The following SCAF11 variants were observed in gnomAD, a reference collection of about 807,000 sequenced individuals.
SCAF11 encodes protein SCAF11.
A neutral mutation model predicts 140.5 loss-of-function variants in SCAF11; 47 were observed. The ratio of observed to expected loss-of-function variants is 0.33; its 90% CI spans 0.26 to 0.43. The LOEUF (loss-of-function observed/expected upper bound fraction) is 0.43. Among genes scored for constraint, SCAF11 ranks in the 20% least tolerant of loss-of-function variants. SCAF11 has a pLI of 1.00. For synonymous variants in SCAF11, 557 were observed against 579.4 expected (o/e 0.96, Z 0.55); for missense variants, 1,645 against 1,705.1 (o/e 0.96, Z 0.62).
chr12:45,928,354 A>G lies in SCAF11; in HGVS notation c.1347T>C (p.Ser449=). The G allele has an allele frequency of 9.9e-6, 16 of 1,614,062 alleles. No individual in the cohort carries two copies. The highest frequency in any genetic ancestry group is 1.4e-5 in the Non-Finnish European group (16 of 1,179,994). ...CACTTTCTTCTATTTGCTCATTGCAACTTTTCAAGCAATTAGCAGACTGGT... is the reference window on the plus strand; with the variant it reads ...CACTTTCTTCTATTTGCTCATTGCAGCTTTTCAAGCAATTAGCAGACTGGT... The part of the protein sequence containing the change: ...VENQSANCLK[S]CNEQIEESEK... Residue 449 remains serine (S), a synonymous_variant, in exon 11 of 15, where the codon AGT becomes AGC. Coordinates refer to ENST00000369367, the MANE Select transcript of SCAF11 (RefSeq NM_004719.3).
Position 45,933,136 on chromosome 12 carries a change from A to G in SCAF11, c.729T>C (p.Ile243=). ...LSWFPDTLPG[I]GRIGFIPWNV... ...AAATAATTTTTTATTTTTACCTTCC[A>G]ATTCCAGGTAATGTATCAGGAAACC... The change falls in exon 9 of 15, where the codon ATT becomes ATC. Residue 243 remains isoleucine, a synonymous_variant. Transcript: ENST00000369367. 6.2e-7 allele frequency: 1 copy of G among 1,604,940 alleles called. No homozygotes were observed. The highest frequency in any genetic ancestry group is 2.2e-5 in the East Asian group (1 of 44,708).
chr12:45,966,567 T>C (rs1776390762), intron 1 of SCAF11, among the ~76,000 whole-genome samples: 1 of 152,050 alleles, frequency 6.6e-6, no homozygotes, highest in Admixed American at 6.6e-5. Context: ...TGTTGTTTCA[T>C]ACAGAATACT....
intron 1 of SCAF11, among the ~76,000 whole-genome samples, chr12:45,971,482 G>A (rs556321411): frequency 1.3e-5 from 2 of 152,170 alleles, no homozygotes; most frequent in Non-Finnish European, 2.9e-5. Context: ...ACCAGAATCT[G>A]ATGCATCATC....
At chr12:45,961,585 C>A in intron 3 of SCAF11, 115 bp downstream of exon 3, 2 of 885,352 alleles carry the variant, frequency 2.3e-6, no homozygotes, top group East Asian at 2.7e-5. Flanking sequence ...GGAAATTTGT[C>A]CAAAGTAGGA....
At chr12:45,923,221 T>A (rs1062905) in intron 12 of SCAF11, 67 bp from the exon 13 acceptor site, 413,380 of 1,351,778 alleles carry the variant, frequency 0.31, 65,383 homozygotes, top group East Asian at 0.41. Flanking sequence ...TAGTGATGCA[T>A]TAGAAATAAC....
At chr12:45,955,187 T>A (rs1945656134) in intron 3 of SCAF11, 1 of 151,982 alleles carries the variant, frequency 6.6e-6, no homozygotes, top group Admixed American at 6.6e-5. Flanking sequence ...TTAAACAGGG[T>A]CTCACCCTCT....
In SCAF11 at chr12:45,922,316, C is replaced by A; in HGVS notation, c.4246-122G>T. ...CAGACTTATTTTCATGTTTCATTAT[C>A]TCACACAAACTAATCAAAAGGCAAA... On this transcript the variant is annotated intron_variant, in intron 14 of 14. Coordinates refer to ENST00000369367, the MANE Select transcript of SCAF11 (RefSeq NM_004719.3). The A allele has an allele frequency of 2.1e-6, 3 of 1,449,240 alleles. No individual in the cohort carries two copies. The South Asian group carries it at 3.9e-5, about 19-fold the overall frequency. The allele number at this position is 1,449,240 out of a possible 1,614,324, so 89.8% of individuals were successfully genotyped here. A position where few individuals can be genotyped will look rare whatever the true frequency, so the allele number is the denominator to read the frequency against.
chr12:45,961,505 T>C (rs1945828981), intron 3 of SCAF11, 195 bp downstream of exon 3: 2 of 586,978 alleles, frequency 3.4e-6, no homozygotes, highest in Non-Finnish European at 6.0e-6. Context: ...ATTTAAAATA[T>C]TATTTGCAAA....
chr12:45,979,456 G>A (rs1302694717), intron 1 of SCAF11, among the ~76,000 whole-genome samples: 3 of 152,108 alleles, frequency 2.0e-5, no homozygotes. Flanking sequence ...ACCCCGTTCT[G>A]TTTAAACAAG....
intron 6 of SCAF11, chr12:45,934,895 CA>C (rs17837442): frequency 0.15 from 22,351 of 153,104 alleles, 2,093 homozygotes; most frequent in Middle Eastern, 0.21. Context: ...TTCCAGCTAT[CA>C]TCTAGAAAAC....
chr12:45,942,106 C>A (rs943891238), intron 6 of SCAF11, among the ~76,000 whole-genome samples: 2 of 152,210 alleles, frequency 1.3e-5, no homozygotes, highest in Admixed American at 6.5e-5. Flanking sequence ...ATACATATAA[C>A]ATATAAAATG....
At chr12:45,991,467 T>C (rs1592237601), upstream of SCAF11, among the ~76,000 whole-genome samples, 3 of 151,966 alleles carry the variant, frequency 2.0e-5, no homozygotes, top group South Asian at 6.2e-4. Context: ...GAAGATGAGG[T>C]GGGAGAATCG....
At position 45,922,132 on chromosome 12, in the gene SCAF11, A is replaced by G; in HGVS notation, c.4308T>C (p.Tyr1436=). The change falls in exon 15 of 15, where the codon TAT becomes TAC. Residue 1436 remains tyrosine, a synonymous_variant. Transcript: ENST00000369367. ...STKVANLVKA[Y]VDKYKYSRKG... is the part of the protein sequence containing the mutation. Reference sequence around the variant, plus strand: ...TCCGTGAATATTTGTATTTGTCTACATAGGCTTTAACCAGATTTGCCACTT... The same window carrying G: ...TCCGTGAATATTTGTATTTGTCTACGTAGGCTTTAACCAGATTTGCCACTT... 1 of 1,613,886 alleles carries G rather than the reference A, an allele frequency of 6.2e-7. No individual in the cohort carries two copies.
At chr12:45,931,006 G>A (rs975911811) in intron 10 of SCAF11, 1 of 152,028 alleles carries the variant, frequency 6.6e-6, no homozygotes, top group Non-Finnish European at 1.5e-5. Context: ...TAGTCATCAC[G>A]TTTCACAATT....
intron 3 of SCAF11, among the ~76,000 whole-genome samples, chr12:45,954,389 A>T (rs1945626454): frequency 6.6e-6 from 1 of 151,926 alleles, no homozygotes; most frequent in Non-Finnish European, 1.5e-5. Context: ...GGTGCATGCC[A>T]CCATACCCAG....
intron 1 of SCAF11, among the ~76,000 whole-genome samples, chr12:45,982,985 T>A (rs187788785): frequency 6.6e-6 from 1 of 152,184 alleles, no homozygotes; most frequent in Admixed American, 6.5e-5. Context: ...ATGTGAGAAA[T>A]AGGCAAAGAG....
At position 45,928,785 on chromosome 12, in the gene SCAF11, T is replaced by C. The variant is rs186444240; in HGVS notation, c.916A>G (p.Asn306Asp). ...GGTTTTCGTCTTGATCCTCTGGTAT[T>C]TGATGTACCAGAAGTTTGCTTCTTT... is the stretch of plus-strand genomic sequence containing the variant. ...EEKKQTSGTS[N>D]TRGSRRKPAM... Residue 306 changes from asparagine to aspartate, a missense_variant, in exon 11 of 15, where the codon AAT becomes GAT. Around this residue, in one of 2 missense-constraint regions of SCAF11, gnomAD observed 1,582 missense variants for 1,609.2 expected, o/e 0.98. Transcript: ENST00000369367. The C allele has an allele frequency of 5.2e-4, 838 of 1,613,840 alleles. 2 individuals are homozygous for C. Among genetic ancestry groups the C allele is most frequent in the Non-Finnish European group, 1.9e-4 (220 of 1,179,986 alleles).
At chr12:45,956,073 AT>A in intron 3 of SCAF11, 1 of 712,534 alleles carries the variant, frequency 1.4e-6, no homozygotes, top group African/African-American at 1.7e-5. Flanking sequence ...ACAAACCCAC[AT>A]TTAAATGTAA....
At chr12:45,928,904 A>C (rs755840808) in intron 10 of SCAF11, 45 bp from the exon 11 acceptor site, 1 of 1,220,174 alleles carries the variant, frequency 8.2e-7, no homozygotes, top group Admixed American at 3.1e-5. Flanking sequence ...ATATGTTTTA[A>C]GAAATAGTAA....
Sources: gnomAD v4.1 joint callset for allele counts (sites outside exome capture counted in the v4.1 genomes callset) on GRCh38, gnomAD v4.1.1 for gene constraint, gnomAD v4.1.1 regional missense constraint, MANE v1.5 for transcripts, NCBI Gene and HGNC (gene_info 2026-07-23, HGNC 2026-07-21) for gene names.